Variants in DNAH10 observed in about 807,000 individuals in gnomAD.
DNAH10 encodes dynein axonemal heavy chain 10, also known as axonemal beta dynein heavy chain 10.
DNAH10 carries 348 observed loss-of-function variants against 506.6 expected under a neutral mutation model. The ratio of observed to expected loss-of-function variants is 0.69; its 90% CI spans 0.63 to 0.75. The LOEUF (loss-of-function observed/expected upper bound fraction) is 0.75, where lower values mean the gene tolerates loss of function less well. Ranked by LOEUF, DNAH10 falls within the 30% of genes least tolerant of loss-of-function variation. DNAH10 has a pLI of 0.00. For missense variants in DNAH10, 5,179 were observed against 5,787.1 expected (o/e 0.89, Z 3.41); for synonymous variants, 2,059 against 2,198.6 (o/e 0.94, Z 1.78).
chr12:123,913,259 G>A lies in DNAH10; in HGVS notation c.10296G>A (p.Glu3432=), dbSNP rs1351833974. 3.1e-6 allele frequency: 5 copies of A among 1,608,350 alleles called. No homozygotes were observed. The highest frequency in any genetic ancestry group is 4.2e-6 in the Non-Finnish European group (5 of 1,177,748). ...QKLQEEAEIM[E]RRLIAADKLI... ...TGCAGGAAGAAGCCGAGATCATGGA[G>A]AGGCGGCTGATTGCCGCAGACAAAC... Residue 3432 remains glutamate (E), a synonymous_variant, in exon 60 of 79, where the codon GAG becomes GAA. Coordinates refer to ENST00000673944, the MANE Select transcript of DNAH10 (RefSeq NM_001372106.1). This position sits in a 1 kb window ranked among gnomAD's most constrained non-coding sequence, Gnocchi z 5.1.
intron 30 of DNAH10, among the ~76,000 whole-genome samples, chr12:123,843,830 G>A (rs1446101870): frequency 3.9e-5 from 6 of 152,152 alleles, no homozygotes; most frequent in Non-Finnish European, 5.9e-5. Context: ...TGCCGGCCTC[G>A]GCCTCCCAAA....
At chr12:123,794,729 T>G (rs1958211594) in intron 12 of DNAH10, among the ~76,000 whole-genome samples, 1 of 151,686 alleles carries the variant, frequency 6.6e-6, no homozygotes. Flanking sequence ...ACCTATGGTC[T>G]CAGCTACTTG....
At chr12:123,896,994 C>T (rs1047437517) in intron 54 of DNAH10, among the ~76,000 whole-genome samples, 2 of 152,154 alleles carry the variant, frequency 1.3e-5, no homozygotes, top group Non-Finnish European at 2.9e-5. Flanking sequence ...CCGTTAAACA[C>T]GAACTCCCCA....
intron 58 of DNAH10, 128 bp from the exon 59 acceptor site, chr12:123,910,408 G>A: frequency 8.1e-7 from 1 of 1,231,590 alleles, no homozygotes; most frequent in Non-Finnish European, 1.1e-6. Flanking sequence ...GTTGGCCGTA[G>A]GAGAGCTTTG....
At chr12:123,915,147 C>A in intron 62 of DNAH10, 148 bp downstream of exon 62, 1 of 1,149,006 alleles carries the variant, frequency 8.7e-7, no homozygotes, top group East Asian at 2.7e-5. Flanking sequence ...AGCCCTCCCC[C>A]GGCTCCGCCT....
chr12:123,853,232 G>A lies in DNAH10; in HGVS notation c.6318G>A (p.Leu2106=), dbSNP rs1218304789. The change falls in exon 36 of 79, where the codon CTG becomes CTA. Residue 2106 remains leucine, a synonymous_variant. Coordinates refer to ENST00000673944, the MANE Select transcript of DNAH10 (RefSeq NM_001372106.1). The surrounding 1 kb of genome is among the most constrained non-coding windows in gnomAD (Gnocchi z 4.7). The part of the protein sequence containing the change: ...AKTLAKKMTV[L]YKLAREQLSK... ...CTCTGGCGAAAAAGATGACGGTTCT[G>A]TATAAGCTGGCCCGGGAGCAGCTGT... 11 of 1,609,176 alleles carry A rather than the reference G, an allele frequency of 6.8e-6. No homozygotes were observed. In the Admixed American group the frequency reaches 1.2e-4, roughly 17 times the overall value.
chr12:123,875,444 G>T lies in DNAH10; in HGVS notation c.8152G>T (p.Glu2718Ter). 3.7e-6 allele frequency: 6 copies of T among 1,613,996 alleles called. No homozygotes were observed. The highest frequency in any genetic ancestry group is 5.1e-6 in the Non-Finnish European group (6 of 1,179,906). ...CTTCAATGTGCCATTTCCTTCAGAG[G>T]AGTCTCTGCATTTAATTTATTCCTC... The part of the protein sequence containing the change: ...SVFNVPFPSE[E>*]SLHLIYSSIL... Residue 2718 changes from glutamate to a stop codon, truncating the protein, a stop_gained, in exon 47 of 79, where the codon GAG (glutamate) becomes TAG (stop). Coordinates refer to ENST00000673944, the MANE Select transcript of DNAH10 (RefSeq NM_001372106.1). LOFTEE classifies it high-confidence loss of function.
In DNAH10 at chr12:123,932,018, T is replaced by C. The variant is rs1955236959; in HGVS notation, c.13206T>C (p.Asn4402=). The change falls in exon 76 of 79, where the codon AAT becomes AAC. Residue 4402 remains asparagine, a synonymous_variant. Transcript: ENST00000673944. ...CTCTTTTTATCGGGCATATCCCTAA[T>C]ATCTGGAGAAGGCTTGCTCCTGACA... ...ARSLFIGHIP[N]IWRRLAPDTL... 1.9e-6 allele frequency: 3 copies of C among 1,614,050 alleles called. No homozygotes were observed. The highest frequency in any genetic ancestry group is 2.5e-6 in the Non-Finnish European group (3 of 1,179,902).
At chr12:123,887,405 G>C in intron 52 of DNAH10, 92 bp downstream of exon 52, 2 of 1,443,752 alleles carry the variant, frequency 1.4e-6, no homozygotes, top group Non-Finnish European at 1.8e-6. Context: ...TCCAGACACT[G>C]TGGGTAGCCC....
intron 51 of DNAH10, among the ~76,000 whole-genome samples, chr12:123,884,483 G>A (rs1235034616): frequency 2.0e-5 from 3 of 152,268 alleles, no homozygotes; most frequent in East Asian, 1.9e-4. Context: ...CAGCATGGTC[G>A]GGCTCCAGAG....
chr12:123,768,981 C>G (rs1957151258), intron 2 of DNAH10, among the ~76,000 whole-genome samples: 1 of 152,216 alleles, frequency 6.6e-6, no homozygotes, highest in Non-Finnish European at 1.5e-5. Flanking sequence ...TCAGGCAGTT[C>G]TCCCACCTCA....
At chr12:123,820,876 A>G (rs1179598273) in intron 24 of DNAH10, 118 bp downstream of exon 24, 2 of 1,207,874 alleles carry the variant, frequency 1.7e-6, no homozygotes, top group East Asian at 4.7e-5. Flanking sequence ...CGTTGTGGAA[A>G]CGCTCATTTT....
chr12:123,870,274 A>T (rs1951974567), intron 43 of DNAH10, 92 bp from the exon 44 acceptor site: 1 of 1,513,878 alleles, frequency 6.6e-7, no homozygotes, highest in Non-Finnish European at 8.9e-7. Context: ...CGTGCAGTAC[A>T]AGCAACATTA....
At chr12:123,896,851 T>C (rs1953273880) in intron 54 of DNAH10, among the ~76,000 whole-genome samples, 2 of 152,194 alleles carry the variant, frequency 1.3e-5, no homozygotes, top group Admixed American at 6.5e-5. Flanking sequence ...TAGTAAAATA[T>C]ATGTAACATA....
chr12:123,800,857 A>G (rs955994895), intron 15 of DNAH10, among the ~76,000 whole-genome samples: 1 of 151,836 alleles, frequency 6.6e-6, no homozygotes. Context: ...TCTCTACTAA[A>G]ACTACAAAAA....
Position 123,909,346 on chromosome 12 carries a change from A to C in DNAH10, c.9901A>C (p.Thr3301Pro). 1 of 1,612,998 alleles carries C rather than the reference A, an allele frequency of 6.2e-7. No individual in the cohort carries two copies. The highest frequency in any genetic ancestry group is 8.5e-7 in the Non-Finnish European group (1 of 1,179,546). ...AGGGTACAAAGAGCTGAACTGGAAA[A>C]CAGCCAAGGGCGTGATGTCCGACCC... ...MKGYKELNWK[T>P]AKGVMSDPNF... Residue 3301 changes from threonine (T) to proline (P), a missense_variant, in exon 58 of 79, where the codon ACA (threonine) becomes CCA (proline). Thr to Pro is a conservative substitution (Grantham distance 38). Transcript: ENST00000673944. This position sits in a 1 kb window ranked among gnomAD's most constrained non-coding sequence, Gnocchi z 5.4.
rs748828034 is a variant in DNAH10, at chr12:123,845,900, A to G, written c.5630+31A>G. 1.9e-6 allele frequency: 3 copies of G among 1,612,672 alleles called. No homozygotes were observed. The African/African-American group carries it at 4.0e-5, about 22-fold the overall frequency. ...CATTTTCCGGGGTCACTGGCATTTCAAAAGGGACCCTTTGTGGTCCGCTGA... is the reference window on the plus strand; with the variant it reads ...CATTTTCCGGGGTCACTGGCATTTCGAAAGGGACCCTTTGTGGTCCGCTGA... On this transcript the variant is annotated intron_variant, in intron 31 of 78. Coordinates refer to ENST00000673944, the MANE Select transcript of DNAH10 (RefSeq NM_001372106.1).
In DNAH10 at chr12:123,930,449, G is replaced by A; in HGVS notation, c.12660G>A (p.Leu4220=). 6.2e-7 allele frequency: 1 copy of A among 1,601,248 alleles called. No homozygotes were observed. Among genetic ancestry groups the A allele is most frequent in the Non-Finnish European group, 8.5e-7 (1 of 1,175,940 alleles). ...RAIDSFDRRI[L]TIYMDEYLGD... ...TCGACAGCTTTGATCGCCGCATCCT[G>A]ACCATCTACATGGATGAGTACCTGG... The change falls in exon 73 of 79, where the codon CTG becomes CTA. Residue 4220 remains leucine (L), a synonymous_variant. Coordinates refer to ENST00000673944, the MANE Select transcript of DNAH10 (RefSeq NM_001372106.1).
At chr12:123,782,577 A>G (rs1160919132) in intron 6 of DNAH10, among the ~76,000 whole-genome samples, 1 of 151,254 alleles carries the variant, frequency 6.6e-6, no homozygotes, top group African/African-American at 2.4e-5. Flanking sequence ...ATGCCTAGCT[A>G]ATTTTTGTAT....
Sources: allele counts gnomAD v4.1 joint callset (sites outside exome capture counted in the v4.1 genomes callset), GRCh38; gene constraint gnomAD v4.1.1; non-coding constraint Gnocchi (gnomAD v3.1); transcripts MANE v1.5; gene names NCBI Gene and HGNC (gene_info 2026-07-23, HGNC 2026-07-21).